FMNL2: variants seen among roughly 807,000 people sequenced by gnomAD.
FMNL2 encodes the protein formin-like protein 2.
A neutral mutation model predicts 130.2 loss-of-function variants in FMNL2; 51 were observed. The observed-to-expected ratio is 0.39, with a 90% CI of 0.31 to 0.49. The LOEUF is 0.49. Ranked by LOEUF, FMNL2 falls within the 20% of genes least tolerant of loss-of-function variation. The pLI, the probability that FMNL2 is intolerant of heterozygous loss-of-function variation, is 0.85. For missense variants in FMNL2, 977 were observed against 1,316.2 expected (o/e 0.74, Z 3.99); for synonymous variants, 465 against 467.1 (o/e 1.00, Z 0.06).
chr2:152,458,232 A>G (rs1234258804), intron 1 of FMNL2, among the ~76,000 whole-genome samples: 3 of 152,150 alleles, frequency 2.0e-5, no homozygotes, highest in Non-Finnish European at 4.4e-5. Flanking sequence ...TCAGATTTCT[A>G]TACCTGTACC....
chr2:152,400,942 A>G (rs1685661484), intron 1 of FMNL2, among the ~76,000 whole-genome samples: 1 of 152,236 alleles, frequency 6.6e-6, no homozygotes, highest in Admixed American at 6.5e-5. Context: ...CCAGGGAGGA[A>G]TTGGAGGCAG....
At position 152,643,083 on chromosome 2, in the gene FMNL2, A is replaced by G. The variant is rs374548492; in HGVS notation, c.3169+2169A>G. ...TTTTCATTAGTATGTCCTCCATCCC[A>G]ATTACACCTGGCGTTATAAAATGAA... On this transcript the variant is annotated intron_variant, in intron 25 of 25. Transcript: ENST00000288670. 5.3e-5 allele frequency among the ~76,000 whole-genome samples: 8 copies of G among 152,278 alleles called. No individual in the cohort carries two copies. The East Asian group carries it at 1.5e-3, about 29-fold the overall frequency.
At chr2:152,484,852 A>G (rs1284878068) in intron 1 of FMNL2, among the ~76,000 whole-genome samples, 1 of 152,186 alleles carries the variant, frequency 6.6e-6, no homozygotes, top group Admixed American at 6.5e-5. Flanking sequence ...CGAAAGAATA[A>G]AAGATGCTCT....
At chr2:152,361,379 A>G (rs1683166379) in intron 1 of FMNL2, among the ~76,000 whole-genome samples, 1 of 152,190 alleles carries the variant, frequency 6.6e-6, no homozygotes, top group South Asian at 2.1e-4. Flanking sequence ...TGTGTGTTCT[A>G]AATTGTGGCT....
intron 15 of FMNL2, among the ~76,000 whole-genome samples, chr2:152,623,576 G>A (rs1478225326): frequency 6.6e-6 from 1 of 152,070 alleles, no homozygotes; most frequent in Non-Finnish European, 1.5e-5. Context: ...CTCAGTTAAC[G>A]CCAACTGAGG....
At position 152,335,498 on chromosome 2, in the gene FMNL2, G is replaced by C. The variant is rs1310620303; in HGVS notation, c.-106G>C. ...TGGGCGCGGCGGAGGGCGGGGAGCC[G>C]GGCAGGTCGCGCCTGCGGGCGGCAG... On this transcript the variant is annotated 5_prime_UTR_variant, in exon 1 of 26. Transcript: ENST00000288670. The C allele has an allele frequency of 4.0e-6, 3 of 741,766 alleles. No homozygotes were observed. The highest frequency in any genetic ancestry group is 3.9e-5 in the East Asian group (1 of 25,770). The allele number at this position is 741,766 out of a possible 1,614,324, so 45.9% of individuals were successfully genotyped here. A position where few individuals can be genotyped will look rare whatever the true frequency, so the allele number is the denominator to read the frequency against.
chr2:152,605,924 A>G (rs944858418), intron 9 of FMNL2, among the ~76,000 whole-genome samples: 4 of 152,212 alleles, frequency 2.6e-5, no homozygotes, highest in Non-Finnish European at 5.9e-5. Context: ...ACAGGAAGTC[A>G]TTCATCGTTT....
chr2:152,642,922 T>C (rs949899522), intron 25 of FMNL2, among the ~76,000 whole-genome samples: 6 of 152,038 alleles, frequency 3.9e-5, no homozygotes, highest in African/African-American at 1.4e-4. Flanking sequence ...GACAGGAGAA[T>C]TGCTTGAACC....
intron 1 of FMNL2, among the ~76,000 whole-genome samples, chr2:152,380,336 C>G (rs1381934353): frequency 6.6e-6 from 1 of 152,208 alleles, no homozygotes; most frequent in Non-Finnish European, 1.5e-5. Context: ...GGTGACGTAG[C>G]AACTGAAATA....
At position 152,640,828 on chromosome 2, in the gene FMNL2, T is replaced by G; in HGVS notation, c.3083T>G (p.Leu1028Ter). ...AAATCAAAGAGGCAGCAGCAAGAGT[T>G]AATTGCAGAATTAAGAAGACGACAA... ...SHKSKRQQQE[L>*]IAELRRRQVK... The change falls in exon 25 of 26, where the codon TTA (leucine) becomes TGA (stop). Residue 1028 changes from leucine (L) to a stop codon, truncating the protein, a stop_gained. Transcript: ENST00000288670. LOFTEE classifies it high-confidence loss of function. The G allele has an allele frequency of 6.2e-7, 1 of 1,613,834 alleles. No homozygotes were observed.
chr2:152,425,221 G>A (rs748665392), intron 1 of FMNL2, among the ~76,000 whole-genome samples: 6 of 152,112 alleles, frequency 3.9e-5, no homozygotes, highest in Non-Finnish European at 7.3e-5. Flanking sequence ...ATCCAATATG[G>A]GCCTTATTAT....
intron 1 of FMNL2, among the ~76,000 whole-genome samples, chr2:152,473,086 A>G (rs922174414): frequency 6.6e-6 from 1 of 152,228 alleles, no homozygotes; most frequent in Non-Finnish European, 1.5e-5. Flanking sequence ...TCTGTTTATT[A>G]GGTTGTGACC....
chr2:152,631,571 G>A (rs7579527), intron 20 of FMNL2, among the ~76,000 whole-genome samples: 4,050 of 152,110 alleles, frequency 0.027, 183 homozygotes, highest in African/African-American at 0.091. Context: ...TAGGGTGGAT[G>A]GGAATGGCAC....
At chr2:152,629,502 ATT>A (rs1682024618) in intron 18 of FMNL2, among the ~76,000 whole-genome samples, 152 bp from the exon 19 acceptor site, 1 of 152,200 alleles carries the variant, frequency 6.6e-6, no homozygotes, top group African/African-American at 2.4e-5. Context: ...AGACAATTAA[ATT>A]TGTTATACTT....
At chr2:152,355,261 A>G (rs923375344) in intron 1 of FMNL2, among the ~76,000 whole-genome samples, 1 of 152,224 alleles carries the variant, frequency 6.6e-6, no homozygotes, top group Admixed American at 6.5e-5. Context: ...ACCTAACAGC[A>G]TCACAAACAT....
intron 25 of FMNL2, among the ~76,000 whole-genome samples, chr2:152,644,971 T>C (rs927656691): frequency 6.6e-6 from 1 of 152,202 alleles, no homozygotes; most frequent in Non-Finnish European, 1.5e-5. Context: ...GACGTAGCCA[T>C]TGACTCCTGT....
At chr2:152,354,652 T>C (rs1682686946) in intron 1 of FMNL2, among the ~76,000 whole-genome samples, 1 of 152,238 alleles carries the variant, frequency 6.6e-6, no homozygotes, top group Non-Finnish European at 1.5e-5. Flanking sequence ...CCTAGAATTT[T>C]CTAAAGATGC....
intron 2 of FMNL2, among the ~76,000 whole-genome samples, chr2:152,537,200 A>AC (rs1219498867): frequency 6.6e-6 from 1 of 152,200 alleles, no homozygotes; most frequent in African/African-American, 2.4e-5. Flanking sequence ...GCTGTGACTT[A>AC]CCTAATTAAT....
chr2:152,514,632 C>T (rs536304493), intron 1 of FMNL2, among the ~76,000 whole-genome samples: 6 of 152,080 alleles, frequency 3.9e-5, no homozygotes, highest in African/African-American at 1.2e-4. Flanking sequence ...ATTGTTTTTC[C>T]TACATATACA....
Sources: gnomAD v4.1 joint callset for allele counts (sites outside exome capture counted in the v4.1 genomes callset) on GRCh38, gnomAD v4.1.1 for gene constraint, MANE v1.5 for transcripts, NCBI Gene and HGNC (gene_info 2026-07-23, HGNC 2026-07-21) for gene names.